PC: variants seen among roughly 807,000 people sequenced by gnomAD.
PC encodes pyruvate carboxylase, also known as pyruvate carboxylase, mitochondrial.
PC carries 46 observed loss-of-function variants against 107.8 expected under a neutral mutation model. That is an observed-to-expected ratio of 0.43 (90% CI 0.34 to 0.55). The LOEUF is 0.55. Ranked by LOEUF, PC falls within the 20% of genes least tolerant of loss-of-function variation. The pLI is 0.04. For missense variants in PC, 1,241 were observed against 1,643.1 expected (o/e 0.76, Z 4.23); for synonymous variants, 662 against 684.7 (o/e 0.97, Z 0.52).
In PC at chr11:66,908,112, G is replaced by T. The variant is rs1431232036; in HGVS notation, c.1-35953C>A. ...TCAAAAGCCACTGCTCACAAGTTCTGGTGGAAAGATGAAAGGGCAGTGGTG... is the reference window on the plus strand; with the variant it reads ...TCAAAAGCCACTGCTCACAAGTTCTTGTGGAAAGATGAAAGGGCAGTGGTG... On this transcript the variant is annotated intron_variant, in intron 3 of 22. Transcript: ENST00000393960. Among the ~76,000 whole-genome samples, 3 of 152,122 alleles carry T rather than the reference G, an allele frequency of 2.0e-5. No homozygotes were observed. In the East Asian group the frequency reaches 5.8e-4, roughly 29 times the overall value.
Position 66,853,400 on chromosome 11 carries a change from G to T in PC, c.1369-17C>A. 2.5e-6 allele frequency: 4 copies of T among 1,613,560 alleles called. No individual in the cohort carries two copies. The highest frequency in any genetic ancestry group is 3.4e-6 in the Non-Finnish European group (4 of 1,179,940). ...GATGTTGGTCTGCAGGACAGAGGCG[G>T]GTGGGAGGGGGTCACCATGCAGCAC... On this transcript the variant is annotated splice_polypyrimidine_tract_variant and intron_variant, in intron 12 of 22. Coordinates refer to ENST00000393960, the MANE Select transcript of PC (RefSeq NM_001040716.2).
In PC at chr11:66,922,697, C is replaced by A. The variant is rs181960380; in HGVS notation, c.-1+29733G>T. Among the ~76,000 whole-genome samples, 287 of 152,258 alleles carry A rather than the reference C, an allele frequency of 1.9e-3. 1 individual carries two copies. Among genetic ancestry groups the A allele is most frequent in the African/African-American group, 6.7e-3 (279 of 41,550 alleles). ...TTTCATTTCTGTCTCTGGCCCAGAT[C>A]CCCACATGGCTGCCAGCAACACAGC... is the stretch of plus-strand genomic sequence containing the variant. On this transcript the variant is annotated intron_variant, in intron 3 of 22. Transcript: ENST00000393960.
intron 12 of PC, chr11:66,860,211 C>T: frequency 1.3e-6 from 2 of 1,541,514 alleles, no homozygotes; most frequent in Non-Finnish European, 1.7e-6. Flanking sequence ...GGGCAGCTTC[C>T]TGTGTGCTCC....
intron 3 of PC, chr11:66,919,634 A>G (rs1948546581): frequency 6.6e-6 from 1 of 152,218 alleles, no homozygotes; most frequent in Non-Finnish European, 1.5e-5. Context: ...GATCTGTGCT[A>G]GGAACAGCAA....
chr11:66,943,421 T>C (rs989146944), intron 3 of PC, among the ~76,000 whole-genome samples: 4 of 151,984 alleles, frequency 2.6e-5, no homozygotes, highest in African/African-American at 9.7e-5. Context: ...ATCTTGGACT[T>C]CTCAGCTTCC....
intron 3 of PC, among the ~76,000 whole-genome samples, chr11:66,907,049 G>A (rs1948187760): frequency 6.6e-6 from 1 of 152,230 alleles, no homozygotes; most frequent in South Asian, 2.1e-4. Context: ...GGGAGCTGGA[G>A]CACAGCACAC....
chr11:66,873,496 TTATATA>T (rs1565249314), intron 3 of PC, among the ~76,000 whole-genome samples: 11 of 14,706 alleles, frequency 7.5e-4, no homozygotes, highest in Middle Eastern at 0.022. Context: ...ATTATATATA[TTATATA>T]ATATTATATA....
At position 66,945,284 on chromosome 11, in the gene PC, A is replaced by G. The variant is rs1255882736; in HGVS notation, c.-1+7146T>C. Reference sequence around the variant, plus strand: ...CATGATTTTACTAGTCCTTGGTCAGAGAAAGCCTTGGGAGATACAGAGAAT... The same window carrying G: ...CATGATTTTACTAGTCCTTGGTCAGGGAAAGCCTTGGGAGATACAGAGAAT... On this transcript the variant is annotated intron_variant, in intron 3 of 22. Transcript: ENST00000393960. Among the ~76,000 whole-genome samples the G allele has an allele frequency of 1.7e-5, 2 of 117,036 alleles. 1 individual carries two copies. Among genetic ancestry groups the G allele is most frequent in the African/African-American group, 6.1e-5 (2 of 32,578 alleles). 76.8% of individuals were successfully genotyped at this position (117,036 alleles called of 152,430 possible). A position where few individuals can be genotyped will look rare whatever the true frequency, so the allele number is the denominator to read the frequency against.
At chr11:66,902,225 C>T (rs1487542484) in intron 3 of PC, among the ~76,000 whole-genome samples, 1 of 152,202 alleles carries the variant, frequency 6.6e-6, no homozygotes, top group East Asian at 1.9e-4. Context: ...CATGATCTGA[C>T]CTTTCATCCT....
chr11:66,886,991 G>A (rs538187185), intron 3 of PC, among the ~76,000 whole-genome samples: 214 of 152,360 alleles, frequency 1.4e-3, no homozygotes, highest in African/African-American at 5.1e-3. Context: ...CAAGGCTCCA[G>A]CCCCGGCCAT....
At chr11:66,922,455 T>C (rs1948617440) in intron 3 of PC, among the ~76,000 whole-genome samples, 2 of 147,372 alleles carry the variant, frequency 1.4e-5, no homozygotes, top group Admixed American at 1.4e-4. Context: ...GCGCCTGTAA[T>C]CCCAGCTACT....
chr11:66,879,827 T>C (rs1565256060), intron 3 of PC, among the ~76,000 whole-genome samples: 2 of 151,992 alleles, frequency 1.3e-5, no homozygotes, highest in African/African-American at 2.4e-5. Flanking sequence ...CTGTGATGGA[T>C]TTGGGATGTG....
chr11:66,868,307 A>G (rs1261925917), intron 10 of PC, among the ~76,000 whole-genome samples: 1 of 152,238 alleles, frequency 6.6e-6, no homozygotes, highest in Admixed American at 6.5e-5. Context: ...TACACACAAG[A>G]CGGAATAGTA....
At chr11:66,934,845 T>C (rs1948953776) in intron 3 of PC, among the ~76,000 whole-genome samples, 2 of 152,136 alleles carry the variant, frequency 1.3e-5, no homozygotes. Context: ...CCTCAGGTGA[T>C]CCACCCGCCT....
chr11:66,859,630 C>T (rs962014971), intron 12 of PC: 20 of 1,612,576 alleles, frequency 1.2e-5, no homozygotes, highest in Non-Finnish European at 1.5e-5. Context: ...CCTGCCCTTG[C>T]CTGCAGGATT....
chr11:66,892,620 G>A (rs1262071044), intron 3 of PC, among the ~76,000 whole-genome samples: 5 of 152,166 alleles, frequency 3.3e-5, no homozygotes, highest in Non-Finnish European at 7.4e-5. Context: ...GCCAAGGTGG[G>A]TGGATCATGA....
intron 12 of PC, chr11:66,857,000 G>A (rs1945886007): frequency 6.8e-6 from 1 of 146,514 alleles, no homozygotes; most frequent in South Asian, 2.1e-4. Context: ...GCCCGGGCCC[G>A]GGTGGATCCC....
At chr11:66,883,675 C>G (rs1259313493) in intron 3 of PC, among the ~76,000 whole-genome samples, 1 of 152,164 alleles carries the variant, frequency 6.6e-6, no homozygotes, top group Non-Finnish European at 1.5e-5. Flanking sequence ...CTTTTGTCCC[C>G]ACATCTCCCT....
At chr11:66,956,074 G>A (rs796125521) in intron 1 of PC, among the ~76,000 whole-genome samples, 31 of 151,746 alleles carry the variant, frequency 2.0e-4, no homozygotes, top group African/African-American at 6.3e-4. Flanking sequence ...GCCCAGCCCC[G>A]TCTACCTTTG....
Sources: gnomAD v4.1 joint callset for allele counts (sites outside exome capture counted in the v4.1 genomes callset) on GRCh38, gnomAD v4.1.1 for gene constraint, MANE v1.5 for transcripts, NCBI Gene and HGNC (gene_info 2026-07-23, HGNC 2026-07-21) for gene names.